The following OR5M3 variants were observed in gnomAD, a reference collection of about 807,000 sequenced individuals.
OR5M3 encodes olfactory receptor 5M3.
For synonymous variants in OR5M3, 129 were observed against 131.3 expected, an observed-to-expected ratio of 0.98 and a Z score of 0.12; for missense variants, 384 against 378.6, an observed-to-expected ratio of 1.01 and a Z score of -0.12.
chr11:56,471,921 C>T (rs1853671225), intron 1 of OR5M3, among the ~76,000 whole-genome samples: 1 of 152,008 alleles, frequency 6.6e-6, no homozygotes, highest in South Asian at 2.1e-4. Context: ...TCCCAAGACC[C>T]TTCTTGTAAT....
At chr11:56,471,553 C>A in intron 1 of OR5M3, among the ~76,000 whole-genome samples, 1 of 151,822 alleles carries the variant, frequency 6.6e-6, no homozygotes, top group Admixed American at 6.6e-5. Context: ...CCTGTCAAAT[C>A]TCTTAGTGAT....
rs375751608 is a variant in OR5M3 at position 56,469,678 on chromosome 11, C to A, written c.820G>T (p.Val274Leu). The change falls in exon 2 of 2, where the codon GTG becomes TTG. Residue 274 changes from valine (V) to leucine (L), a missense_variant. Coordinates refer to ENST00000641993, the MANE Select transcript of OR5M3 (RefSeq NM_001004742.3). ...ESVEQGKMVA[V>L]FYTTVIPMLN... Reference sequence around the variant, plus strand: ...ATGGGGATCACTGTGGTATAGAACACAGCCACCATCTTCCCCTGCTCCACA... The same window carrying A: ...ATGGGGATCACTGTGGTATAGAACAAAGCCACCATCTTCCCCTGCTCCACA... 41 of 1,594,982 alleles carry A rather than the reference C, an allele frequency of 2.6e-5. 1 individual carries two copies. In the African/African-American group the frequency reaches 3.9e-4, roughly 15 times the overall value.
intron 1 of OR5M3, among the ~76,000 whole-genome samples, chr11:56,472,658 A>C (rs775049311): frequency 4.6e-5 from 7 of 152,114 alleles, no homozygotes; most frequent in Admixed American, 6.6e-5. Context: ...AGAAATAGAG[A>C]TTAGGGGACC....
chr11:56,472,237 ATAGT>A lies in OR5M3; in HGVS notation c.-45+980_-45+983del, dbSNP rs1375024657. Reference sequence around the variant, plus strand: ...GTGGGTACATTTTTAAAAATGAATAATAGTTAAAGTTCTAAAAACTGTGTATACT... The same window carrying A: ...GTGGGTACATTTTTAAAAATGAATAATAAAGTTCTAAAAACTGTGTATACT... On this transcript the variant is annotated intron_variant, in intron 1 of 1. Transcript: ENST00000641993. Among the ~76,000 whole-genome samples the A allele has an allele frequency of 2.6e-5, 4 of 152,074 alleles. No homozygotes were observed. In the South Asian group the frequency reaches 8.3e-4, roughly 32 times the overall value.
intron 1 of OR5M3, among the ~76,000 whole-genome samples, chr11:56,472,632 G>A (rs1048561879): frequency 6.6e-6 from 1 of 151,888 alleles, no homozygotes; most frequent in Non-Finnish European, 1.5e-5. Context: ...CATCCTAGGG[G>A]GTGCGAAGTG....
In OR5M3 at chr11:56,470,252, G is replaced by A. The variant is rs79240946; in HGVS notation, c.246C>T (p.Asn82=). 116,750 of 1,610,616 alleles carry A rather than the reference G, an allele frequency of 0.072. 4,963 individuals are homozygous for A. Among genetic ancestry groups the A allele is most frequent in the Non-Finnish European group, 0.081 (95,013 of 1,176,896 alleles). ...TAATTGTTTTTTTATCTGATAACAGGTTTTCCAACATTTTAGGGGTGACAT... is the reference window on the plus strand; with the variant it reads ...TAATTGTTTTTTTATCTGATAACAGATTTTCCAACATTTTAGGGGTGACAT... ...SSNVTPKMLE[N]LLSDKKTITY... The change falls in exon 2 of 2, where the codon AAC becomes AAT. Residue 82 remains asparagine, a synonymous_variant. Coordinates refer to ENST00000641993, the MANE Select transcript of OR5M3 (RefSeq NM_001004742.3).
In OR5M3 at chr11:56,470,255, T is replaced by C. The variant is rs1394077891; in HGVS notation, c.243A>G (p.Glu81=). ...FSSNVTPKML[E]NLLSDKKTIT... is the part of the protein sequence containing the mutation. Reference sequence around the variant, plus strand: ...TTGTTTTTTTATCTGATAACAGGTTTTCCAACATTTTAGGGGTGACATTGG... The same window carrying C: ...TTGTTTTTTTATCTGATAACAGGTTCTCCAACATTTTAGGGGTGACATTGG... Residue 81 remains glutamate, a synonymous_variant, in exon 2 of 2, where the codon GAA becomes GAG. Transcript: ENST00000641993. The C allele has an allele frequency of 3.7e-6, 6 of 1,613,438 alleles. No homozygotes were observed. Among genetic ancestry groups the C allele is most frequent in the Non-Finnish European group, 5.1e-6 (6 of 1,179,554 alleles).
rs927786093 is a variant in OR5M3 at position 56,469,743 on chromosome 11, G to A, written c.755C>T (p.Thr252Ile). ...ACGTCTGAGATACATGAAGATCAGA[G>A]TACCATAGAATATAATGACAGCTGT... The part of the protein sequence containing the change: ...HLTAVIIFYG[T>I]LIFMYLRRPT... Residue 252 changes from threonine (T) to isoleucine (I), a missense_variant, in exon 2 of 2, where the codon ACT becomes ATT. Physicochemically the swap from Thr to Ile is moderately conservative, Grantham distance 89. Coordinates refer to ENST00000641993, the MANE Select transcript of OR5M3 (RefSeq NM_001004742.3). 5.0e-6 allele frequency: 8 copies of A among 1,612,854 alleles called. No individual in the cohort carries two copies. The African/African-American group carries it at 6.7e-5, about 13-fold the overall frequency.
rs1853655555 is a variant in OR5M3, at chr11:56,470,419, TGAA to T, written c.76_78del (p.Phe26del). The T allele has an allele frequency of 2.5e-6, 4 of 1,613,230 alleles. No homozygotes were observed. The highest frequency in any genetic ancestry group is 3.4e-6 in the Non-Finnish European group (4 of 1,179,508). On this transcript the variant is annotated inframe_deletion, in exon 2 of 2. Transcript: ENST00000641993. ...ATGATGTAGACCACAAGAAAGATGA[TGAA>T]GAAGAGAACTTGCCATTCTCGACGG...
chr11:56,470,915 T>A (rs1408774209), intron 1 of OR5M3, among the ~76,000 whole-genome samples: 1 of 152,164 alleles, frequency 6.6e-6, no homozygotes, highest in East Asian at 1.9e-4. Flanking sequence ...TTTTACCTAA[T>A]CTCTTTTTCA....
At chr11:56,473,049 C>T (rs957088614) in intron 1 of OR5M3, among the ~76,000 whole-genome samples, 172 bp downstream of exon 1, 3 of 152,056 alleles carry the variant, frequency 2.0e-5, no homozygotes, top group Non-Finnish European at 4.4e-5. Context: ...CCATTATTCA[C>T]TTGTAATTAT....
intron 1 of OR5M3, among the ~76,000 whole-genome samples, chr11:56,471,246 T>C (rs1235840150): frequency 1.3e-5 from 2 of 152,086 alleles, no homozygotes; most frequent in Admixed American, 1.3e-4. Context: ...TTTATGAAGA[T>C]ACTAATGTAA....
At position 56,470,250 on chromosome 11, in the gene OR5M3, A is replaced by T. The variant is rs1351160147; in HGVS notation, c.248T>A (p.Leu83Gln). The T allele has an allele frequency of 6.2e-7, 1 of 1,613,574 alleles. No homozygotes were observed. The highest frequency in any genetic ancestry group is 2.2e-5 in the East Asian group (1 of 44,878). The change falls in exon 2 of 2, where the codon CTG (leucine) becomes CAG (glutamine). Residue 83 changes from leucine (L) to glutamine (Q), a missense_variant. Leu to Gln is a moderately radical substitution (Grantham distance 113, BLOSUM62 -2). Transcript: ENST00000641993. ...AGTAATTGTTTTTTTATCTGATAAC[A>T]GGTTTTCCAACATTTTAGGGGTGAC... ...SNVTPKMLENLLSDKKTITYA... is the reference protein window; with the variant it reads ...SNVTPKMLENQLSDKKTITYA...
At chr11:56,471,079 A>C (rs1853662790) in intron 1 of OR5M3, among the ~76,000 whole-genome samples, 1 of 152,082 alleles carries the variant, frequency 6.6e-6, no homozygotes, top group African/African-American at 2.4e-5. Context: ...ATCAAAGTCA[A>C]GTTAAAGGGT....
chr11:56,470,252 G>C lies in OR5M3; in HGVS notation c.246C>G (p.Asn82Lys), dbSNP rs79240946. The C allele has an allele frequency of 2.5e-6, 4 of 1,612,824 alleles. No individual in the cohort carries two copies. The South Asian group carries it at 4.4e-5, about 18-fold the overall frequency. ...SSNVTPKMLENLLSDKKTITY... is the reference protein window; with the variant it reads ...SSNVTPKMLEKLLSDKKTITY... The stretch of plus-strand genomic sequence containing the variant: ...TAATTGTTTTTTTATCTGATAACAG[G>C]TTTTCCAACATTTTAGGGGTGACAT... The change falls in exon 2 of 2, where the codon AAC (asparagine) becomes AAG (lysine). Residue 82 changes from asparagine (N) to lysine (K), a missense_variant. By Grantham distance (94) the Asn-to-Lys change is moderately conservative (BLOSUM62 0). Transcript: ENST00000641993.
At chr11:56,473,079 G>A (rs1373208657) in intron 1 of OR5M3, 142 bp downstream of exon 1, 1 of 151,938 alleles carries the variant, frequency 6.6e-6, no homozygotes, top group Non-Finnish European at 1.5e-5. Context: ...TAATCCTATT[G>A]AAAATGTATC....
In OR5M3 at chr11:56,469,478, A is replaced by G. The variant is rs1051823239; in HGVS notation, c.*96T>C. 1 of 649,236 alleles carries G rather than the reference A, an allele frequency of 1.5e-6. No homozygotes were observed. Among genetic ancestry groups the G allele is most frequent in the Non-Finnish European group, 2.5e-6 (1 of 397,508 alleles). 40.2% of individuals were successfully genotyped at this position (649,236 alleles called of 1,614,324 possible). On this transcript the variant is annotated 3_prime_UTR_variant, in exon 2 of 2. Transcript: ENST00000641993. ...TTTTATTTTTCTTTTCAACCCACAGAATATCTTTATCTTAATGTTCCTAGG... is the reference window on the plus strand; with the variant it reads ...TTTTATTTTTCTTTTCAACCCACAGGATATCTTTATCTTAATGTTCCTAGG...
chr11:56,471,624 C>T (rs931166652), intron 1 of OR5M3, among the ~76,000 whole-genome samples: 1 of 151,892 alleles, frequency 6.6e-6, no homozygotes, highest in Admixed American at 6.6e-5. Context: ...TAGAAATTTA[C>T]ACTCACACGC....
chr11:56,470,010 C>G lies in OR5M3; in HGVS notation c.488G>C (p.Gly163Ala), dbSNP rs144267395. 8.1e-5 allele frequency: 130 copies of G among 1,613,634 alleles called. No homozygotes were observed. In the African/African-American group the frequency reaches 1.3e-3, roughly 16 times the overall value. ...CTCAATTTTTCCACAGAAGTACAAG[C>G]CGTAAGTCCATAATGTTGCTGCCAG... ...TSLAATLWTY[G>A]LYFCGKIEIN... Residue 163 changes from glycine (G) to alanine (A), a missense_variant, in exon 2 of 2, where the codon GGC (glycine) becomes GCC (alanine). Gly to Ala is a moderately conservative substitution (Grantham distance 60, BLOSUM62 0). Coordinates refer to ENST00000641993, the MANE Select transcript of OR5M3 (RefSeq NM_001004742.3).
Sources: gnomAD v4.1 joint callset for allele counts (sites outside exome capture counted in the v4.1 genomes callset) on GRCh38, gnomAD v4.1.1 for gene constraint, MANE v1.5 for transcripts, NCBI Gene and HGNC (gene_info 2026-07-23, HGNC 2026-07-21) for gene names.